PEBP4: variants seen among roughly 807,000 people sequenced by gnomAD.
PEBP4 encodes the protein phosphatidylethanolamine-binding protein 4.
PEBP4 carries 22 observed loss-of-function variants against 23.9 expected under a neutral mutation model. The ratio of observed to expected loss-of-function variants is 0.92; its 90% CI spans 0.66 to 1.31. The LOEUF is 1.31. Among genes scored for constraint, PEBP4 ranks in the 40% most tolerant of loss-of-function variants. The pLI, the probability that PEBP4 is intolerant of heterozygous loss-of-function variation, is 0.00. For synonymous variants in PEBP4, 112 were observed against 99.3 expected, an observed-to-expected ratio of 1.13 and a Z score of -0.76; for missense variants, 324 against 281.7, an observed-to-expected ratio of 1.15 and a Z score of -1.07.
intron 4 of PEBP4, among the ~76,000 whole-genome samples, chr8:22,739,930 C>T (rs1284508127): frequency 6.6e-6 from 1 of 152,200 alleles, no homozygotes; most frequent in African/African-American, 2.4e-5. Flanking sequence ...TGCCCAACAG[C>T]CAAGAGCCTC....
intron 4 of PEBP4, among the ~76,000 whole-genome samples, chr8:22,735,840 C>G (rs1314987945): frequency 6.6e-6 from 1 of 152,252 alleles, no homozygotes; most frequent in African/African-American, 2.4e-5. Flanking sequence ...ACCCAAACAC[C>G]TCCCTTTTAC....
intron 3 of PEBP4, among the ~76,000 whole-genome samples, chr8:22,851,124 G>T (rs530835611): frequency 6.6e-6 from 1 of 152,332 alleles, no homozygotes; most frequent in South Asian, 2.1e-4. Flanking sequence ...ACATCCAAAT[G>T]GATCTTGCCC....
chr8:22,891,542 A>C (rs1430933273), intron 3 of PEBP4, among the ~76,000 whole-genome samples: 1 of 152,250 alleles, frequency 6.6e-6, no homozygotes, highest in African/African-American at 2.4e-5. Flanking sequence ...AGTTAGGCAT[A>C]GTACTGTCTC....
chr8:22,759,197 C>G (rs886316487), intron 4 of PEBP4, among the ~76,000 whole-genome samples: 4 of 151,988 alleles, frequency 2.6e-5, no homozygotes, highest in Non-Finnish European at 4.4e-5. Flanking sequence ...TTGTTGCTGT[C>G]AGGGGTGGGG....
At chr8:22,850,520 G>C (rs1807529659) in intron 3 of PEBP4, among the ~76,000 whole-genome samples, 1 of 152,138 alleles carries the variant, frequency 6.6e-6, no homozygotes, top group African/African-American at 2.4e-5. Context: ...CCACTAGGAG[G>C]GGTTGTTCTT....
At chr8:22,725,802 G>T (rs1312783816) in intron 5 of PEBP4, among the ~76,000 whole-genome samples, 1 of 152,166 alleles carries the variant, frequency 6.6e-6, no homozygotes, top group South Asian at 2.1e-4. Context: ...GTTGGTGGGA[G>T]GGAGTATTGG....
chr8:22,789,855 G>A (rs567050582), intron 4 of PEBP4, among the ~76,000 whole-genome samples: 3 of 152,222 alleles, frequency 2.0e-5, no homozygotes, highest in African/African-American at 7.2e-5. Flanking sequence ...CATTTTTACC[G>A]AGTTCAACAT....
intron 3 of PEBP4, among the ~76,000 whole-genome samples, chr8:22,907,503 C>T (rs1808841577): frequency 6.6e-6 from 1 of 151,786 alleles, no homozygotes; most frequent in South Asian, 2.1e-4. Flanking sequence ...AAGAATGAGG[C>T]TCCATCTCAA....
At chr8:22,818,830 G>A (rs1454682926) in intron 3 of PEBP4, among the ~76,000 whole-genome samples, 2 of 152,144 alleles carry the variant, frequency 1.3e-5, no homozygotes, top group African/African-American at 4.8e-5. Context: ...GTATTTTTAG[G>A]TAAAATCGGC....
rs1807876132 is a variant in PEBP4, at chr8:22,865,561, C to A, written c.259-47826G>T. ...GGCGCTGCTGCCGGTGCCGGTGCCGCAGCCGCCGGGGAAGGAATTCCCTCC... is the reference window on the plus strand; with the variant it reads ...GGCGCTGCTGCCGGTGCCGGTGCCGAAGCCGCCGGGGAAGGAATTCCCTCC... On this transcript the variant is annotated intron_variant, in intron 3 of 6. Transcript: ENST00000256404. The surrounding 1 kb of genome is among the most constrained non-coding windows in gnomAD (Gnocchi z 6.9). Among the ~76,000 whole-genome samples the A allele has an allele frequency of 6.6e-6, 1 of 151,760 alleles. No individual in the cohort carries two copies. Among genetic ancestry groups the A allele is most frequent in the Non-Finnish European group, 1.5e-5 (1 of 67,734 alleles).
chr8:22,930,035 T>G (rs947893131), upstream of PEBP4, among the ~76,000 whole-genome samples: 3 of 152,220 alleles, frequency 2.0e-5, no homozygotes, highest in South Asian at 6.2e-4. Flanking sequence ...CTGGCTCCAC[T>G]GCACTCTGTA....
intron 3 of PEBP4, among the ~76,000 whole-genome samples, chr8:22,902,926 C>T (rs1318601616): frequency 6.6e-6 from 1 of 152,196 alleles, no homozygotes; most frequent in Non-Finnish European, 1.5e-5. Context: ...CGTTCCCACA[C>T]GCTGTAGGGG....
chr8:22,877,273 C>T (rs994785705), intron 3 of PEBP4, among the ~76,000 whole-genome samples: 1 of 152,254 alleles, frequency 6.6e-6, no homozygotes. Flanking sequence ...GGACAGCTGA[C>T]TTTGGAATAG....
At chr8:22,799,554 A>G (rs1358583448) in intron 4 of PEBP4, among the ~76,000 whole-genome samples, 1 of 152,208 alleles carries the variant, frequency 6.6e-6, no homozygotes, top group Non-Finnish European at 1.5e-5. Flanking sequence ...TTATTTATTT[A>G]TGTATTTATT....
intron 3 of PEBP4, among the ~76,000 whole-genome samples, chr8:22,919,927 G>A (rs1809163319): frequency 6.6e-6 from 1 of 152,164 alleles, no homozygotes; most frequent in Admixed American, 6.5e-5. Context: ...CCCAGAGCAG[G>A]GGAGCAGGAA....
chr8:22,796,206 G>T (rs145464915), intron 4 of PEBP4, among the ~76,000 whole-genome samples: 14 of 152,078 alleles, frequency 9.2e-5, no homozygotes, highest in African/African-American at 3.4e-4. Context: ...ACAAATATCA[G>T]ACTCTTGAAC....
chr8:22,835,296 G>C (rs1284054335), intron 3 of PEBP4, among the ~76,000 whole-genome samples: 1 of 152,206 alleles, frequency 6.6e-6, no homozygotes, highest in Non-Finnish European at 1.5e-5. Context: ...TGTGGGTCAG[G>C]TTTTGTTATT....
chr8:22,768,706 A>AG lies in PEBP4; in HGVS notation c.358-41487dup, dbSNP rs760442796. On this transcript the variant is annotated intron_variant, in intron 4 of 6. Transcript: ENST00000256404. ...GTGCTGGGGAGGGTGGCAAGGAGGTAGGGGGTGGGTCAGGGCAGGATGGGG... is the reference window on the plus strand; with the variant it reads ...GTGCTGGGGAGGGTGGCAAGGAGGTAGGGGGGTGGGTCAGGGCAGGATGGGG... 4.7e-3 allele frequency among the ~76,000 whole-genome samples: 368 copies of AG among 78,118 alleles called. 1 individual carries two copies. Among genetic ancestry groups the AG allele is most frequent in the Middle Eastern group, 0.015 (3 of 204 alleles). 51.2% of individuals were successfully genotyped at this position (78,118 alleles called of 152,430 possible).
At chr8:22,838,026 G>A (rs1172536030) in intron 3 of PEBP4, among the ~76,000 whole-genome samples, 1 of 148,992 alleles carries the variant, frequency 6.7e-6, no homozygotes, top group East Asian at 2.0e-4. Flanking sequence ...AGCCCCCTGA[G>A]TAGCTGGGGC....
Sources: gnomAD v4.1 joint callset for allele counts (sites outside exome capture counted in the v4.1 genomes callset) on GRCh38, gnomAD v4.1.1 for gene constraint, Gnocchi (gnomAD v3.1) non-coding constraint, MANE v1.5 for transcripts, NCBI Gene and HGNC (gene_info 2026-07-23, HGNC 2026-07-21) for gene names.